VPS41: variants seen among roughly 807,000 people sequenced by gnomAD.
VPS41 encodes the protein vacuolar protein sorting-associated protein 41 homolog.
VPS41 carries 85 observed loss-of-function variants against 130.9 expected under a neutral mutation model. The observed-to-expected ratio is 0.65, with a 90% CI of 0.55 to 0.78. The LOEUF (loss-of-function observed/expected upper bound fraction) is 0.78. Among genes scored for constraint, VPS41 ranks in the 30% least tolerant of loss-of-function variants. VPS41 has a pLI of 0.00. For missense variants in VPS41, 874 were observed against 1,018.7 expected (o/e 0.86, Z 1.93); for synonymous variants, 335 against 332.9 (o/e 1.01, Z -0.07).
At chr7:38,812,804 C>T (rs1040970438) in intron 7 of VPS41, among the ~76,000 whole-genome samples, 3 of 152,070 alleles carry the variant, frequency 2.0e-5, no homozygotes, top group Non-Finnish European at 4.4e-5. Context: ...CATCATCAGT[C>T]ATTAGAAGAA....
chr7:38,857,921 C>T (rs1171497214), intron 4 of VPS41, among the ~76,000 whole-genome samples: 2 of 152,130 alleles, frequency 1.3e-5, no homozygotes, highest in Non-Finnish European at 2.9e-5. Context: ...GGATGGTTTA[C>T]AGGTCATAGG....
intron 4 of VPS41, among the ~76,000 whole-genome samples, chr7:38,831,034 G>C (rs1339162655): frequency 1.3e-5 from 2 of 152,200 alleles, no homozygotes; most frequent in African/African-American, 2.4e-5. Context: ...AAAGCACCTA[G>C]GCCAGCATGT....
chr7:38,742,061 T>A lies in VPS41; in HGVS notation c.2183A>T (p.His728Leu). Residue 728 changes from histidine (H) to leucine (L), a missense_variant, in exon 25 of 29, where the codon CAC (histidine) becomes CTC (leucine). By Grantham distance (99) the His-to-Leu change is moderately conservative (BLOSUM62 -3). Coordinates refer to ENST00000310301, the MANE Select transcript of VPS41 (RefSeq NM_014396.4). ...GATCTCCATTCCTTCCTTAATACGG[T>A]GAATCAGTAGAATTGGGTCAACATG... ...GTHVDPILLI[H>L]RIKEGMEIPN... The A allele has an allele frequency of 6.2e-7, 1 of 1,613,338 alleles. No individual in the cohort carries two copies. The highest frequency in any genetic ancestry group is 8.5e-7 in the Non-Finnish European group (1 of 1,179,678).
chr7:38,897,957 C>T, intron 2 of VPS41, 134 bp downstream of exon 2: 1 of 637,010 alleles, frequency 1.6e-6, no homozygotes. Flanking sequence ...AAAAGCTCTT[C>T]CCCAAGGCTT....
intron 7 of VPS41, among the ~76,000 whole-genome samples, chr7:38,807,657 G>A (rs186283257): frequency 1.6e-3 from 249 of 152,288 alleles, no homozygotes; most frequent in African/African-American, 5.8e-3. Context: ...TTGTATTCAG[G>A]AAGCAGATTC....
chr7:38,833,942 T>C (rs535266015), intron 4 of VPS41, among the ~76,000 whole-genome samples: 167 of 152,072 alleles, frequency 1.1e-3, no homozygotes, highest in African/African-American at 3.9e-3. Context: ...AAGAAACAAT[T>C]AACAAAGCCA....
chr7:38,826,944 G>A (rs981036276), intron 5 of VPS41, among the ~76,000 whole-genome samples: 9 of 151,840 alleles, frequency 5.9e-5, no homozygotes, highest in Admixed American at 1.3e-4. Flanking sequence ...TCAGCCTCCC[G>A]AGTAGCTGGG....
At chr7:38,846,879 GA>G (rs1323270779) in intron 4 of VPS41, among the ~76,000 whole-genome samples, 1 of 152,170 alleles carries the variant, frequency 6.6e-6, no homozygotes, top group East Asian at 1.9e-4. Context: ...AGAGATGGAA[GA>G]AAACACTGAG....
At chr7:38,861,745 G>A (rs1786118832) in intron 4 of VPS41, among the ~76,000 whole-genome samples, 1 of 151,996 alleles carries the variant, frequency 6.6e-6, no homozygotes, top group Non-Finnish European at 1.5e-5. Flanking sequence ...CATACCAAGT[G>A]GTTGTGTCAT....
intron 3 of VPS41, among the ~76,000 whole-genome samples, chr7:38,867,428 C>T (rs557811022): frequency 6.6e-6 from 1 of 151,930 alleles, no homozygotes; most frequent in East Asian, 1.9e-4. Flanking sequence ...GCCTGTAATC[C>T]CAGCTACTTA....
chr7:38,813,289 T>C (rs1784979470), intron 7 of VPS41, among the ~76,000 whole-genome samples: 1 of 152,206 alleles, frequency 6.6e-6, no homozygotes, highest in African/African-American at 2.4e-5. Flanking sequence ...TGATTCCATT[T>C]ATATGAAATA....
chr7:38,837,404 T>G (rs1344463271), intron 4 of VPS41, among the ~76,000 whole-genome samples: 1 of 152,168 alleles, frequency 6.6e-6, no homozygotes, highest in Non-Finnish European at 1.5e-5. Context: ...CAGGTGAGCT[T>G]CTCTGGTTAG....
chr7:38,867,913 T>TA (rs1418717642), intron 3 of VPS41, among the ~76,000 whole-genome samples: 1 of 152,104 alleles, frequency 6.6e-6, no homozygotes, highest in African/African-American at 2.4e-5. Context: ...AAGATAGAGT[T>TA]AGGATAATCA....
intron 7 of VPS41, among the ~76,000 whole-genome samples, chr7:38,815,173 C>G (rs1785017297): frequency 6.6e-6 from 1 of 152,044 alleles, no homozygotes; most frequent in African/African-American, 2.4e-5. Context: ...CCTGTAATAC[C>G]AACGCTTTGG....
At chr7:38,859,365 A>T (rs767902751) in intron 4 of VPS41, among the ~76,000 whole-genome samples, 5 of 152,146 alleles carry the variant, frequency 3.3e-5, no homozygotes, top group African/African-American at 1.2e-4. Flanking sequence ...AGTGTACACT[A>T]CTGTCCTAAG....
At chr7:38,798,959 G>A (rs1013529708) in intron 7 of VPS41, among the ~76,000 whole-genome samples, 4 of 152,140 alleles carry the variant, frequency 2.6e-5, no homozygotes, top group African/African-American at 9.7e-5. Context: ...AAGCCTGCCT[G>A]GGAAGTCAGG....
intron 6 of VPS41, among the ~76,000 whole-genome samples, chr7:38,818,695 C>T (rs867922299): frequency 2.0e-5 from 3 of 152,218 alleles, no homozygotes; most frequent in South Asian, 2.1e-4. Flanking sequence ...ACCTCCTTCT[C>T]TCTTTATCCC....
chr7:38,818,214 T>G (rs1452494961), intron 6 of VPS41, among the ~76,000 whole-genome samples: 1 of 149,560 alleles, frequency 6.7e-6, no homozygotes, highest in African/African-American at 2.5e-5. Flanking sequence ...ATGTCACAAC[T>G]GTTTCTAACT....
intron 25 of VPS41, among the ~76,000 whole-genome samples, chr7:38,730,870 A>G (rs10252285): frequency 0.28 from 43,317 of 152,088 alleles, 6,988 homozygotes; most frequent in Non-Finnish European, 0.38. Flanking sequence ...CAGGGCCAGC[A>G]GTCTAGACAG....
Sources: allele counts gnomAD v4.1 joint callset (sites outside exome capture counted in the v4.1 genomes callset), GRCh38; gene constraint gnomAD v4.1.1; transcripts MANE v1.5; gene names NCBI Gene and HGNC (gene_info 2026-07-23, HGNC 2026-07-21).